SLC14A2: variants seen among roughly 807,000 people sequenced by gnomAD.
SLC14A2 encodes urea transporter 2.
A neutral mutation model predicts 104.6 loss-of-function variants in SLC14A2; 91 were observed. The ratio of observed to expected loss-of-function variants is 0.87; its 90% confidence interval spans 0.73 to 1.04. SLC14A2 has a LOEUF of 1.04. SLC14A2 is among the 50% of genes least tolerant of loss of function. The pLI, the probability that SLC14A2 is intolerant of heterozygous loss-of-function variation, is 0.00. For synonymous variants in SLC14A2, 476 were observed against 466.4 expected (o/e 1.02, Z -0.27); for missense variants, 1,189 against 1,156.0 (o/e 1.03, Z -0.41).
At chr18:45,297,367 G>A (rs545487477) in intron 1 of SLC14A2, among the ~76,000 whole-genome samples, 29 of 152,314 alleles carry the variant, frequency 1.9e-4, no homozygotes, top group Non-Finnish European at 3.7e-4. Context: ...ATCAAATCAG[G>A]CCAGATTTGG....
intron 1 of SLC14A2, among the ~76,000 whole-genome samples, chr18:45,481,104 T>C (rs2087484458): frequency 6.6e-6 from 1 of 151,962 alleles, no homozygotes; most frequent in East Asian, 1.9e-4. Context: ...GAGGAACCAA[T>C]CCCCAAAATT....
chr18:45,172,687 A>C, the SLC14A2 span, among the ~76,000 whole-genome samples: 2 of 152,148 alleles, frequency 1.3e-5, no homozygotes, highest in African/African-American at 4.8e-5. Context: ...CAGAGAAGTG[A>C]ATTTTCTGAA....
At chr18:45,455,725 G>T (rs1168559815) in intron 1 of SLC14A2, among the ~76,000 whole-genome samples, 1 of 152,080 alleles carries the variant, frequency 6.6e-6, no homozygotes, top group Non-Finnish European at 1.5e-5. Context: ...CTAGAGTAAT[G>T]AACAAAAGTG....
chr18:45,239,996 A>G (rs779975299), intron 1 of SLC14A2, among the ~76,000 whole-genome samples: 20 of 148,534 alleles, frequency 1.3e-4, no homozygotes, highest in Non-Finnish European at 2.7e-4. Context: ...TCTATACCGC[A>G]TTTTCTTTAC....
chr18:45,580,975 G>T (rs963822847), intron 2 of SLC14A2, among the ~76,000 whole-genome samples: 3 of 152,150 alleles, frequency 2.0e-5, no homozygotes, highest in Admixed American at 2.0e-4. Context: ...AGGCACAGTT[G>T]TTCTGCAGGA....
At chr18:45,205,493 C>T in the SLC14A2 span, among the ~76,000 whole-genome samples, 3 of 151,974 alleles carry the variant, frequency 2.0e-5, no homozygotes, top group African/African-American at 7.3e-5. Flanking sequence ...TGAAGCGAGC[C>T]GTATAATGAG....
At chr18:45,666,787 C>G (rs2046032391) in intron 12 of SLC14A2, 148 bp from the exon 13 acceptor site, 7 of 642,848 alleles carry the variant, frequency 1.1e-5, no homozygotes, top group Non-Finnish European at 1.9e-5. Context: ...AAAAGACAGT[C>G]TAATCTACAG....
intron 1 of SLC14A2, among the ~76,000 whole-genome samples, chr18:45,321,693 T>C (rs905278606): frequency 1.1e-4 from 17 of 152,190 alleles, no homozygotes; most frequent in Non-Finnish European, 1.5e-5. Flanking sequence ...ATGCTGTGTG[T>C]CTGCAGAGCA....
At chr18:45,398,853 G>A (rs1217581581) in intron 1 of SLC14A2, among the ~76,000 whole-genome samples, 5 of 152,146 alleles carry the variant, frequency 3.3e-5, no homozygotes, top group Admixed American at 2.0e-4. Flanking sequence ...GTAATTGTTC[G>A]ATGTGTACAG....
chr18:45,614,327 T>C (rs956560738), upstream of SLC14A2, among the ~76,000 whole-genome samples: 22 of 152,198 alleles, frequency 1.4e-4, no homozygotes, highest in African/African-American at 5.1e-4. Flanking sequence ...AGAGACCTCA[T>C]AGAGAACCTC....
intron 2 of SLC14A2, chr18:45,550,116 G>A (rs2044036641): frequency 6.6e-6 from 1 of 152,108 alleles, no homozygotes. Context: ...ATGTAGAAGA[G>A]GAATAACTCA....
At chr18:45,435,979 A>C (rs1336087799) in intron 1 of SLC14A2, among the ~76,000 whole-genome samples, 1 of 152,176 alleles carries the variant, frequency 6.6e-6, no homozygotes, top group African/African-American at 2.4e-5. Context: ...ATGTGACTAA[A>C]CAGCAGCATA....
chr18:45,280,156 C>T (rs2144139932), intron 1 of SLC14A2, among the ~76,000 whole-genome samples: 1 of 152,328 alleles, frequency 6.6e-6, no homozygotes, highest in East Asian at 1.9e-4. Context: ...TGTTCCAGAG[C>T]ACACAACTAA....
chr18:45,245,474 C>CT (rs2084359763), intron 1 of SLC14A2, among the ~76,000 whole-genome samples: 1 of 152,294 alleles, frequency 6.6e-6, no homozygotes, highest in Non-Finnish European at 1.5e-5. Flanking sequence ...TTTAACAGAG[C>CT]TCTATGCAGT....
intron 3 of SLC14A2, 45 bp downstream of exon 3, chr18:45,625,908 A>G (rs1240872761): frequency 2.2e-6 from 3 of 1,345,312 alleles, no homozygotes; most frequent in Non-Finnish European, 2.9e-6. Flanking sequence ...AGGCCAGGCC[A>G]GAGAGACAAC....
chr18:45,478,120 C>T (rs2087419903), intron 1 of SLC14A2, among the ~76,000 whole-genome samples: 1 of 152,176 alleles, frequency 6.6e-6, no homozygotes, highest in Admixed American at 6.5e-5. Context: ...GGTGTAGGCA[C>T]CCAAGGGAAT....
intron 2 of SLC14A2, among the ~76,000 whole-genome samples, chr18:45,513,056 C>T (rs1456897210): frequency 6.6e-6 from 1 of 152,164 alleles, no homozygotes; most frequent in African/African-American, 2.4e-5. Context: ...ACAATGGCTA[C>T]CCTATTCTGT....
intron 1 of SLC14A2, among the ~76,000 whole-genome samples, chr18:45,385,191 C>T (rs958205418): frequency 6.6e-6 from 1 of 152,164 alleles, no homozygotes; most frequent in Non-Finnish European, 1.5e-5. Context: ...GCATCCAATC[C>T]GAAGCCAGAC....
chr18:45,281,220 G>A (rs1250376960), intron 1 of SLC14A2, among the ~76,000 whole-genome samples: 2 of 152,104 alleles, frequency 1.3e-5, no homozygotes, highest in East Asian at 3.9e-4. Context: ...GGTTAACAGT[G>A]TCCCTGCTAT....
Sources: gnomAD v4.1 joint callset for allele counts (sites outside exome capture counted in the v4.1 genomes callset) on GRCh38, gnomAD v4.1.1 for gene constraint, MANE v1.5 for transcripts, NCBI Gene and HGNC (gene_info 2026-07-23, HGNC 2026-07-21) for gene names.